EFNA5: variants seen among roughly 807,000 people sequenced by gnomAD.
The protein encoded by EFNA5 is ephrin-A5.
EFNA5 carries 5 observed loss-of-function variants against 22.9 expected under a neutral mutation model. The observed-to-expected ratio is 0.22, with a 90% CI of 0.11 to 0.46. The LOEUF is 0.46. Ranked by LOEUF, EFNA5 falls within the 20% of genes least tolerant of loss-of-function variation. The probability of loss-of-function intolerance (pLI) is 0.99; values close to 1 mark genes in which losing one functional copy is unlikely to be tolerated. For synonymous variants in EFNA5, 113 were observed against 112.2 expected, an observed-to-expected ratio of 1.01 and a Z score of -0.04; for missense variants, 237 against 293.3, an observed-to-expected ratio of 0.81 and a Z score of 1.40.
chr5:107,385,522 T>G (rs1488620972), intron 4 of EFNA5, among the ~76,000 whole-genome samples: 1 of 152,192 alleles, frequency 6.6e-6, no homozygotes, highest in East Asian at 1.9e-4. Context: ...ACAAGAGACT[T>G]AAGTCCTCTT....
intron 1 of EFNA5, among the ~76,000 whole-genome samples, chr5:107,623,631 C>G (rs1422375094): frequency 6.6e-6 from 1 of 150,442 alleles, no homozygotes; most frequent in Non-Finnish European, 1.5e-5. Flanking sequence ...GAACAGCCAT[C>G]ACTACAATAA....
chr5:107,596,957 T>G (rs987862382), intron 1 of EFNA5, among the ~76,000 whole-genome samples: 10 of 152,122 alleles, frequency 6.6e-5, no homozygotes, highest in African/African-American at 2.4e-4. Context: ...GGACCCAAGA[T>G]CCAACATTTA....
intron 2 of EFNA5, among the ~76,000 whole-genome samples, chr5:107,418,419 A>G (rs2112410768): frequency 6.6e-6 from 1 of 152,332 alleles, no homozygotes; most frequent in Middle Eastern, 3.4e-3. Flanking sequence ...CAGTTGCATT[A>G]TTTCTTTAGG....
At chr5:107,423,924 T>C (rs1748738343) in intron 2 of EFNA5, among the ~76,000 whole-genome samples, 1 of 152,194 alleles carries the variant, frequency 6.6e-6, no homozygotes, top group Admixed American at 6.5e-5. Context: ...TATTTTCAAC[T>C]ACCACATTTT....
In EFNA5 at chr5:107,395,034, CT is replaced by C. The variant is rs58619326; in HGVS notation, c.419-7264del. ...CCCCTTATAAGAAGGATTTCTAGTT[CT>C]TTTTTTTTTTTTTTTTTCCGCGAGA... is the stretch of plus-strand genomic sequence containing the variant. On this transcript the variant is annotated intron_variant, in intron 2 of 4. Coordinates refer to ENST00000333274, the MANE Select transcript of EFNA5 (RefSeq NM_001962.3). 4.9e-4 allele frequency among the ~76,000 whole-genome samples: 42 copies of C among 86,132 alleles called. 3 individuals carry two copies. Among genetic ancestry groups the C allele is most frequent in the Admixed American group, 1.7e-3 (10 of 5,994 alleles). 56.5% of individuals were successfully genotyped at this position (86,132 alleles called of 152,430 possible).
At chr5:107,478,226 T>C (rs1445828270) in intron 1 of EFNA5, among the ~76,000 whole-genome samples, 1 of 152,168 alleles carries the variant, frequency 6.6e-6, no homozygotes, top group Non-Finnish European at 1.5e-5. Context: ...GTGGCCAGAC[T>C]TCTACGGAGA....
intron 1 of EFNA5, among the ~76,000 whole-genome samples, chr5:107,499,823 A>G (rs1747089711): frequency 6.6e-6 from 1 of 152,026 alleles, no homozygotes; most frequent in Admixed American, 6.6e-5. Context: ...TTCCAGGGAG[A>G]AAAAAAATTA....
chr5:107,531,758 A>T (rs182359074), intron 1 of EFNA5, among the ~76,000 whole-genome samples: 2 of 152,360 alleles, frequency 1.3e-5, no homozygotes, highest in South Asian at 2.1e-4. Context: ...TTTTCAATAA[A>T]GACATTATAG....
In EFNA5 at chr5:107,381,456, C is replaced by G. The variant is rs1747458063; in HGVS notation, c.566-80G>C. On this transcript the variant is annotated intron_variant, in intron 4 of 4. Transcript: ENST00000333274. ...CTTGCAGCAGCCTGCTGTTAACAGACCTCGCCACCCTCTGCAAAGTAGGGT... is the reference window on the plus strand; with the variant it reads ...CTTGCAGCAGCCTGCTGTTAACAGAGCTCGCCACCCTCTGCAAAGTAGGGT... 4.1e-6 allele frequency: 6 copies of G among 1,466,022 alleles called. No homozygotes were observed. The Admixed American group carries it at 1.2e-4, about 30-fold the overall frequency. 90.8% of individuals were successfully genotyped at this position (1,466,022 alleles called of 1,614,324 possible). A position where few individuals can be genotyped will look rare whatever the true frequency, so the allele number is the denominator to read the frequency against.
In EFNA5 at chr5:107,556,043, A is replaced by G. The variant is rs532619842; in HGVS notation, c.125+114446T>C. ...TTCACACCTTGTGCCCCTCCAAAAT[A>G]TACCCATTCTGAGCCCTTATACTAC... On this transcript the variant is annotated intron_variant, in intron 1 of 4. Transcript: ENST00000333274. 9.2e-5 allele frequency among the ~76,000 whole-genome samples: 14 copies of G among 152,288 alleles called. No homozygotes were observed. The South Asian group carries it at 2.9e-3, about 32-fold the overall frequency.
intron 1 of EFNA5, among the ~76,000 whole-genome samples, chr5:107,516,817 T>C (rs1379649033): frequency 6.6e-6 from 1 of 152,150 alleles, no homozygotes; most frequent in East Asian, 1.9e-4. Flanking sequence ...TGAAAAATAA[T>C]AAAATATGTT....
intron 1 of EFNA5, among the ~76,000 whole-genome samples, chr5:107,653,862 T>A (rs947945009): frequency 3.3e-5 from 5 of 152,122 alleles, no homozygotes; most frequent in Non-Finnish European, 7.4e-5. Flanking sequence ...CCTGATCCTA[T>A]CAACCACTCA....
At chr5:107,407,900 C>T (rs1389678190) in intron 2 of EFNA5, among the ~76,000 whole-genome samples, 1 of 152,158 alleles carries the variant, frequency 6.6e-6, no homozygotes, top group Non-Finnish European at 1.5e-5. Flanking sequence ...AATATATGGT[C>T]AGAGACACAG....
At chr5:107,489,787 C>A (rs529766426) in intron 1 of EFNA5, among the ~76,000 whole-genome samples, 3 of 152,238 alleles carry the variant, frequency 2.0e-5, no homozygotes, top group African/African-American at 7.2e-5. Flanking sequence ...CAGGAAAGTT[C>A]TCTGAGTGGC....
chr5:107,629,673 A>G (rs1238715269), intron 1 of EFNA5, among the ~76,000 whole-genome samples: 1 of 152,260 alleles, frequency 6.6e-6, no homozygotes, highest in Non-Finnish European at 1.5e-5. Context: ...GCTCATAACT[A>G]AAGTTGTCCA....
intron 1 of EFNA5, among the ~76,000 whole-genome samples, chr5:107,527,938 T>C (rs552951144): frequency 1.3e-5 from 2 of 152,114 alleles, no homozygotes; most frequent in African/African-American, 2.4e-5. Context: ...CCCCCAGAAA[T>C]AGAAGTTATC....
At chr5:107,443,418 AC>A (rs1452973125) in intron 1 of EFNA5, among the ~76,000 whole-genome samples, 1 of 152,100 alleles carries the variant, frequency 6.6e-6, no homozygotes, top group Non-Finnish European at 1.5e-5. Context: ...GACCCACTAT[AC>A]CCCCTCAAGA....
intron 1 of EFNA5, among the ~76,000 whole-genome samples, chr5:107,543,612 A>G (rs896012431): frequency 2.0e-5 from 3 of 152,186 alleles, no homozygotes; most frequent in African/African-American, 7.2e-5. Flanking sequence ...CATACCAAAT[A>G]CTTTTCTGAA....
chr5:107,624,884 T>A (rs1271568075), intron 1 of EFNA5, among the ~76,000 whole-genome samples: 1 of 152,144 alleles, frequency 6.6e-6, no homozygotes, highest in South Asian at 2.1e-4. Context: ...TTCACAAAAA[T>A]TATATTTTAT....
Sources: gnomAD v4.1 joint callset for allele counts (sites outside exome capture counted in the v4.1 genomes callset) on GRCh38, gnomAD v4.1.1 for gene constraint, MANE v1.5 for transcripts, NCBI Gene and HGNC (gene_info 2026-07-23, HGNC 2026-07-21) for gene names.